Variants in PRKAR1B observed in about 807,000 individuals in gnomAD.
PRKAR1B encodes the protein protein kinase cAMP-dependent type I regulatory subunit beta, also known as cAMP-dependent protein kinase type I-beta regulatory subunit.
PRKAR1B carries 22 observed loss-of-function variants against 46.5 expected under a neutral mutation model. That is an observed-to-expected ratio of 0.47 (90% CI 0.34 to 0.68). The LOEUF (loss-of-function observed/expected upper bound fraction) is 0.68. Ranked by LOEUF, PRKAR1B falls within the 30% of genes least tolerant of loss-of-function variation. The pLI, the probability that PRKAR1B is intolerant of heterozygous loss-of-function variation, is 0.01. For synonymous variants in PRKAR1B, 259 were observed against 217.7 expected (o/e 1.19, Z -1.67); for missense variants, 445 against 535.6 (o/e 0.83, Z 1.67).
chr7:648,286 G>C (rs147460613), intron 4 of PRKAR1B, among the ~76,000 whole-genome samples: 18 of 152,098 alleles, frequency 1.2e-4, no homozygotes, highest in African/African-American at 4.1e-4. Flanking sequence ...TATTTTAACT[G>C]CCCTTCTCTC....
At chr7:699,010 G>A (rs560672038) in intron 2 of PRKAR1B, among the ~76,000 whole-genome samples, 6 of 152,350 alleles carry the variant, frequency 3.9e-5, no homozygotes, top group South Asian at 2.1e-4. Context: ...GGGCAAAGGC[G>A]GAGAAGCCTG....
chr7:600,776 C>T lies in PRKAR1B; in HGVS notation c.550-4472G>A, dbSNP rs531841300. The stretch of plus-strand genomic sequence containing the variant: ...AAAAACAATCAGGGGAAGAGTCGAG[C>T]CCCAAACAGGGCTTGGAAGGGAGCT... On this transcript the variant is annotated intron_variant, in intron 6 of 10. Transcript: ENST00000537384. Among the ~76,000 whole-genome samples, 6 of 152,298 alleles carry T rather than the reference C, an allele frequency of 3.9e-5. 1 individual carries two copies. Among genetic ancestry groups the T allele is most frequent in the African/African-American group, 1.4e-4 (6 of 41,558 alleles).
At chr7:565,012 C>T (rs1779044807) in intron 9 of PRKAR1B, 1 of 152,226 alleles carries the variant, frequency 6.6e-6, no homozygotes, top group Non-Finnish European at 1.5e-5. Flanking sequence ...ACTTCCTGGG[C>T]TTCCACCCAA....
At chr7:566,669 T>A (rs150334798) in intron 9 of PRKAR1B, among the ~76,000 whole-genome samples, 1 of 6 alleles carries the variant, frequency 0.17, no homozygotes, top group Admixed American at 0.5. Context: ...CACCATCACC[T>A]TCATCACCAT....
chr7:588,582 A>G, intron 7 of PRKAR1B, among the ~76,000 whole-genome samples: 1 of 142,130 alleles, frequency 7.0e-6, no homozygotes, highest in Non-Finnish European at 1.5e-5. Context: ...GAGGATAGTG[A>G]CAGTGGTGAT....
At chr7:637,750 G>A (rs558816019) in intron 4 of PRKAR1B, among the ~76,000 whole-genome samples, 10 of 152,028 alleles carry the variant, frequency 6.6e-5, no homozygotes, top group South Asian at 2.1e-4. Flanking sequence ...CAGCAGAATC[G>A]CTTGAACCTG....
At chr7:605,073 A>G (rs1413821422) in intron 6 of PRKAR1B, among the ~76,000 whole-genome samples, 2 of 152,230 alleles carry the variant, frequency 1.3e-5, no homozygotes, top group Non-Finnish European at 2.9e-5. Context: ...GGCGTGGGAC[A>G]TGTCTGCTGA....
At chr7:617,299 CTT>C (rs71016890) in intron 4 of PRKAR1B, among the ~76,000 whole-genome samples, 60,507 of 132,204 alleles carry the variant, frequency 0.46, 14,115 homozygotes, top group East Asian at 0.62. Flanking sequence ...GACCAAGTGC[CTT>C]TTTTTTTTTT....
intron 2 of PRKAR1B, among the ~76,000 whole-genome samples, chr7:698,815 C>A (rs1460905094): frequency 6.6e-6 from 1 of 152,158 alleles, no homozygotes; most frequent in Admixed American, 6.5e-5. Context: ...CATGTGTGTG[C>A]ATCTGGGCGA....
intron 4 of PRKAR1B, among the ~76,000 whole-genome samples, chr7:649,957 C>T (rs954910681): frequency 1.3e-4 from 19 of 151,324 alleles, no homozygotes; most frequent in Admixed American, 1.3e-3. Flanking sequence ...TGAGTAGCTG[C>T]ATGAGCCACC....
intron 1 of PRKAR1B, chr7:726,862 C>A: frequency 7.6e-7 from 1 of 1,316,292 alleles, no homozygotes; most frequent in Admixed American, 3.8e-5. Flanking sequence ...GGGCCGGCGG[C>A]GCGCCTTGGA....
intron 4 of PRKAR1B, among the ~76,000 whole-genome samples, chr7:610,933 G>A (rs944928678): frequency 2.0e-5 from 3 of 152,210 alleles, no homozygotes; most frequent in African/African-American, 7.2e-5. Flanking sequence ...CTGGGTTCTG[G>A]GGACACGGAA....
In PRKAR1B at chr7:608,643, G is replaced by A. The variant is rs1183841533; in HGVS notation, c.441-1191C>T. Among the ~76,000 whole-genome samples the A allele has an allele frequency of 1.1e-4, 6 of 53,652 alleles. 1 individual carries two copies. The highest frequency in any genetic ancestry group is 5.6e-5 in the African/African-American group (1 of 17,880). The allele number at this position is 53,652 out of a possible 152,430, so 35.2% of individuals were successfully genotyped here. Reference sequence around the variant, plus strand: ...TAGGGAGGGCTGGGGGGCCTCCACTGTCCTCCCACCTGGGGAGGGATCAGT... The same window carrying A: ...TAGGGAGGGCTGGGGGGCCTCCACTATCCTCCCACCTGGGGAGGGATCAGT... On this transcript the variant is annotated intron_variant, in intron 4 of 10. Transcript: ENST00000537384.
intron 4 of PRKAR1B, among the ~76,000 whole-genome samples, chr7:651,187 C>T (rs1330808118): frequency 6.6e-6 from 1 of 152,208 alleles, no homozygotes; most frequent in Non-Finnish European, 1.5e-5. Context: ...CAGCATACAG[C>T]CAGGCTCCTA....
rs148561312 is a variant in PRKAR1B, at chr7:560,284, C to T, written c.892-8814G>A. On this transcript the variant is annotated intron_variant, in intron 9 of 10. Coordinates refer to ENST00000537384, the MANE Select transcript of PRKAR1B (RefSeq NM_001164760.2). This position sits in a 1 kb window ranked among gnomAD's most constrained non-coding sequence, Gnocchi z 4.2. ...CTCCCCAGCCAGGCAGAATCACAAG[C>T]GATTAAACCTCTTTTCTTTATAAAT... Among the ~76,000 whole-genome samples, 486 of 151,866 alleles carry T rather than the reference C, an allele frequency of 3.2e-3. 2 individuals carry two copies. The highest frequency in any genetic ancestry group is 0.011 in the African/African-American group (455 of 41,374).
intron 4 of PRKAR1B, among the ~76,000 whole-genome samples, chr7:657,266 CGGAT>C (rs34846168): frequency 0.047 from 4,609 of 98,764 alleles, 134 homozygotes; most frequent in Non-Finnish European, 0.069. Flanking sequence ...AATGGACGGA[CGGAT>C]GGATGGATGG....
chr7:728,857 C>T (rs1351503173), upstream of PRKAR1B, among the ~76,000 whole-genome samples: 3 of 152,162 alleles, frequency 2.0e-5, no homozygotes, highest in Non-Finnish European at 2.9e-5. Flanking sequence ...CCTCTGGTCT[C>T]GGTCACACTG....
intron 1 of PRKAR1B, among the ~76,000 whole-genome samples, chr7:726,361 G>A (rs1420742194): frequency 6.6e-6 from 1 of 152,152 alleles, no homozygotes; most frequent in Non-Finnish European, 1.5e-5. Flanking sequence ...CGGCTACCCT[G>A]GTCCCAGGCG....
At chr7:692,846 CCCCATAGTAGGAAAA>C (rs1337645621) in intron 2 of PRKAR1B, among the ~76,000 whole-genome samples, 6 of 152,122 alleles carry the variant, frequency 3.9e-5, no homozygotes, top group African/African-American at 1.4e-4. Context: ...AGGTTCTCAA[CCCCATAGTAGGAAAA>C]CCTGGGGCTT....
Sources: allele counts gnomAD v4.1 joint callset (sites outside exome capture counted in the v4.1 genomes callset), GRCh38; gene constraint gnomAD v4.1.1; non-coding constraint Gnocchi (gnomAD v3.1); transcripts MANE v1.5; gene names NCBI Gene and HGNC (gene_info 2026-07-23, HGNC 2026-07-21).